Variants in PRKN observed in about 807,000 individuals in gnomAD.
PRKN encodes the protein E3 ubiquitin-protein ligase parkin.
A neutral mutation model predicts 59.5 loss-of-function variants in PRKN; 56 were observed. The observed-to-expected ratio is 0.94, with a 90% CI of 0.76 to 1.18. PRKN has a LOEUF of 1.18. Ranked by LOEUF, PRKN falls within the 50% of genes most tolerant of loss-of-function variation. PRKN has a pLI of 0.00. For missense variants in PRKN, 657 were observed against 596.4 expected (o/e 1.10, Z -1.06); for synonymous variants, 250 against 222.1 (o/e 1.13, Z -1.12).
chr6:161,770,795 T>TA (rs1466052107), intron 7 of PRKN, among the ~76,000 whole-genome samples: 1 of 151,824 alleles, frequency 6.6e-6, no homozygotes, highest in East Asian at 1.9e-4. Context: ...AGAGGTAACA[T>TA]GAGGCTATTG....
chr6:162,696,447 A>G (rs1347375282), intron 1 of PRKN, among the ~76,000 whole-genome samples: 4 of 152,028 alleles, frequency 2.6e-5, no homozygotes, highest in Non-Finnish European at 5.9e-5. Flanking sequence ...TTCAAGGACT[A>G]GAGACAGAAA....
intron 7 of PRKN, among the ~76,000 whole-genome samples, chr6:161,664,787 C>T (rs1302098372): frequency 4.7e-5 from 4 of 85,194 alleles, no homozygotes; most frequent in African/African-American, 1.7e-4. Context: ...CAACAACTGA[C>T]TTTTTCTTTT....
At chr6:162,263,592 A>G (rs895256711) in intron 2 of PRKN, among the ~76,000 whole-genome samples, 1 of 152,210 alleles carries the variant, frequency 6.6e-6, no homozygotes, top group Admixed American at 6.5e-5. Context: ...TAGCATAAAA[A>G]TTAAAAGTCA....
intron 1 of PRKN, among the ~76,000 whole-genome samples, chr6:162,523,239 T>C (rs1778145137): frequency 6.6e-6 from 1 of 152,078 alleles, no homozygotes; most frequent in African/African-American, 2.4e-5. Flanking sequence ...CACAGGACAG[T>C]GGGAGTCAAG....
At chr6:162,074,485 TG>T (rs927769217) in intron 4 of PRKN, among the ~76,000 whole-genome samples, 1 of 136,782 alleles carries the variant, frequency 7.3e-6, no homozygotes, top group Non-Finnish European at 1.6e-5. Context: ...TGTTGTGTGG[TG>T]GGGGGAGGGG....
At chr6:161,586,531 C>G (rs1583263107) in intron 7 of PRKN, among the ~76,000 whole-genome samples, 1 of 152,144 alleles carries the variant, frequency 6.6e-6, no homozygotes, top group Non-Finnish European at 1.5e-5. Flanking sequence ...TGAAACGAAT[C>G]AATCAATCAA....
chr6:161,935,615 C>T (rs1779329843), intron 6 of PRKN, among the ~76,000 whole-genome samples: 1 of 151,662 alleles, frequency 6.6e-6, no homozygotes, highest in Admixed American at 6.6e-5. Context: ...AAAAGAGTCC[C>T]TATCAGAGCA....
At chr6:161,506,890 A>C (rs1034584854) in intron 9 of PRKN, among the ~76,000 whole-genome samples, 4 of 152,210 alleles carry the variant, frequency 2.6e-5, no homozygotes, top group Non-Finnish European at 5.9e-5. Flanking sequence ...GACATTAACA[A>C]ACTGTAACCC....
intron 5 of PRKN, among the ~76,000 whole-genome samples, chr6:162,045,222 T>G (rs1053467065): frequency 6.6e-6 from 1 of 152,196 alleles, no homozygotes; most frequent in African/African-American, 2.4e-5. Flanking sequence ...CAAATCAATG[T>G]GTTATAAAAG....
intron 2 of PRKN, among the ~76,000 whole-genome samples, chr6:162,400,231 CAAA>C: frequency 7.1e-6 from 1 of 140,196 alleles, no homozygotes; most frequent in Non-Finnish European, 1.6e-5. Flanking sequence ...CAAACAACAA[CAAA>C]AAAAAAAAAC....
chr6:161,621,311 T>TG (rs1782889112), intron 7 of PRKN, among the ~76,000 whole-genome samples: 1 of 152,080 alleles, frequency 6.6e-6, no homozygotes. Flanking sequence ...GACCCTGGGA[T>TG]GCTGGTCGTG....
At chr6:162,348,806 G>T (rs1264618283) in intron 2 of PRKN, among the ~76,000 whole-genome samples, 1 of 152,098 alleles carries the variant, frequency 6.6e-6, no homozygotes, top group East Asian at 1.9e-4. Flanking sequence ...GAAAAAGAGA[G>T]AGAGAAAGAG....
intron 2 of PRKN, among the ~76,000 whole-genome samples, chr6:162,310,981 T>C (rs1782483987): frequency 6.6e-6 from 1 of 152,132 alleles, no homozygotes; most frequent in African/African-American, 2.4e-5. Context: ...TTTACAATCA[T>C]TCAGTAAGGA....
chr6:162,193,906 G>A lies in PRKN; in HGVS notation c.534+7225C>T, dbSNP rs1271926670. On this transcript the variant is annotated intron_variant, in intron 4 of 11. Coordinates refer to ENST00000366898, the MANE Select transcript of PRKN (RefSeq NM_004562.3). ...AACATCCCTAAAATGCTCCTAGGAA[G>A]AGAAGAGGTGTTCACCTATAACCTG... 2.6e-5 allele frequency among the ~76,000 whole-genome samples: 4 copies of A among 152,194 alleles called. No homozygotes were observed. The East Asian group carries it at 7.7e-4, about 29-fold the overall frequency.
chr6:162,315,397 C>T (rs758186608), intron 2 of PRKN, among the ~76,000 whole-genome samples: 2 of 152,082 alleles, frequency 1.3e-5, no homozygotes, highest in Non-Finnish European at 2.9e-5. Flanking sequence ...ATTGTAAGGC[C>T]GCCTGTAGGA....
At chr6:161,618,080 C>T (rs1380865300) in intron 7 of PRKN, among the ~76,000 whole-genome samples, 1 of 152,222 alleles carries the variant, frequency 6.6e-6, no homozygotes, top group Non-Finnish European at 1.5e-5. Context: ...ATAAGAACTA[C>T]TCTGTGTTCA....
At position 161,399,599 on chromosome 6, in the gene PRKN, C is replaced by T. The variant is rs987164306; in HGVS notation, c.1084-12722G>A. 1.4e-4 allele frequency among the ~76,000 whole-genome samples: 22 copies of T among 152,108 alleles called. No individual in the cohort carries two copies. Among genetic ancestry groups the T allele is most frequent in the Admixed American group, 2.6e-4 (4 of 15,276 alleles). On this transcript the variant is annotated intron_variant, in intron 9 of 11. Transcript: ENST00000366898. This position sits in a 1 kb window ranked among gnomAD's most constrained non-coding sequence, Gnocchi z 4.4. Reference sequence around the variant, plus strand: ...ATATGCCTGTTGCATGTCCTGCAACCGGGGTGGGTCAGGGAACTCTCCCGT... The same window carrying T: ...ATATGCCTGTTGCATGTCCTGCAACTGGGGTGGGTCAGGGAACTCTCCCGT...
chr6:161,873,153 T>C (rs1189630691), intron 6 of PRKN, among the ~76,000 whole-genome samples: 1 of 151,616 alleles, frequency 6.6e-6, no homozygotes, highest in African/African-American at 2.4e-5. Flanking sequence ...AAACCTCCAC[T>C]CACACCCCAG....
rs937012298 is a variant in PRKN, at chr6:161,548,077, G to C, written c.1083+777C>G. On this transcript the variant is annotated intron_variant, in intron 9 of 11. Coordinates refer to ENST00000366898, the MANE Select transcript of PRKN (RefSeq NM_004562.3). The surrounding 1 kb of genome is among the most constrained non-coding windows in gnomAD (Gnocchi z 4.2). ...TCCTCATGAAGTTGCAATTTTAAAA[G>C]AAATGTTTCTCATCAAAATTCAATA... 2.0e-5 allele frequency among the ~76,000 whole-genome samples: 3 copies of C among 152,198 alleles called. No individual in the cohort carries two copies. Among genetic ancestry groups the C allele is most frequent in the Non-Finnish European group, 4.4e-5 (3 of 68,030 alleles).
Sources: allele counts gnomAD v4.1 joint callset (sites outside exome capture counted in the v4.1 genomes callset), GRCh38; gene constraint gnomAD v4.1.1; non-coding constraint Gnocchi (gnomAD v3.1); transcripts MANE v1.5; gene names NCBI Gene and HGNC (gene_info 2026-07-23, HGNC 2026-07-21).